The following SLC22A25 variants were observed in gnomAD, a reference collection of about 807,000 sequenced individuals.
The protein encoded by SLC22A25 is solute carrier family 22 member 25, also known as MGI:2442751, MGI:2385316, MGI:3042283, MGI:3645714, MGI:3605624, MGI:2442750.
A neutral mutation model predicts 45.9 loss-of-function variants in SLC22A25; 44 were observed. That is an observed-to-expected ratio of 0.96 (90% confidence interval 0.75 to 1.23). SLC22A25 has a LOEUF of 1.23. Ranked by LOEUF, SLC22A25 falls within the 50% of genes most tolerant of loss-of-function variation. SLC22A25 has a pLI of 0.00. For synonymous variants in SLC22A25, 283 were observed against 238.6 expected (o/e 1.19, Z -1.72); for missense variants, 800 against 666.4 (o/e 1.20, Z -2.21).
At chr11:63,217,817 C>T (rs972180088) in intron 5 of SLC22A25, 82 bp from the exon 6 acceptor site, 19 of 1,474,614 alleles carry the variant, frequency 1.3e-5, no homozygotes, top group African/African-American at 7.1e-5. Context: ...CACTTTGAAA[C>T]TTAAAGGATG....
Position 63,163,801 on chromosome 11 carries a change from G to A in SLC22A25, c.*23C>T, listed in dbSNP as rs1317198471. ...TTGGGGGATGGTAGCCCTAAATGGT[G>A]TTTTGCTTTCCTCAGCACAGACCTA... On this transcript the variant is annotated 3_prime_UTR_variant, in exon 12 of 12. Coordinates refer to ENST00000306494, the MANE Select transcript of SLC22A25 (RefSeq NM_199352.6). The A allele has an allele frequency of 6.3e-7, 1 of 1,588,282 alleles. No homozygotes were observed. Among genetic ancestry groups the A allele is most frequent in the Non-Finnish European group, 8.6e-7 (1 of 1,168,868 alleles).
At chr11:63,222,167 A>C (rs1219765007) in intron 5 of SLC22A25, among the ~76,000 whole-genome samples, 2 of 152,112 alleles carry the variant, frequency 1.3e-5, no homozygotes, top group Non-Finnish European at 2.9e-5. Context: ...TCTGAGAATA[A>C]TGTAATTGGT....
chr11:63,191,906 T>C (rs1280357928), intron 7 of SLC22A25, among the ~76,000 whole-genome samples: 1 of 152,214 alleles, frequency 6.6e-6, no homozygotes, highest in East Asian at 1.9e-4. Context: ...CATTTCAGGA[T>C]ATCTTCCATA....
intron 5 of SLC22A25, chr11:63,220,119 T>C: frequency 1.2e-6 from 1 of 840,898 alleles, no homozygotes; most frequent in South Asian, 1.4e-5. Flanking sequence ...TACCTTTTGT[T>C]GTAAGGTAGA....
rs151217756 is a variant in SLC22A25, at chr11:63,202,297, C to T, written c.830+15017G>A. Among the ~76,000 whole-genome samples, 1,227 of 151,650 alleles carry T rather than the reference C, an allele frequency of 8.1e-3. 13 individuals carry two copies. The highest frequency in any genetic ancestry group is 0.027 in the African/African-American group (1,115 of 41,314). ...AGTGGTGCCTGGAATGCCAGTGAGA[C>T]AGAACCATTCACTCCCCTGTAAAGG... On this transcript the variant is annotated intron_variant, in intron 7 of 11. Transcript: ENST00000306494.
chr11:63,173,903 T>TC (rs1348599084), intron 9 of SLC22A25, among the ~76,000 whole-genome samples: 9 of 151,550 alleles, frequency 5.9e-5, no homozygotes, highest in East Asian at 1.9e-4. Context: ...TCTTTTCTTT[T>TC]TTTTTTTTTT....
chr11:63,165,595 C>T (rs866671430), intron 10 of SLC22A25, among the ~76,000 whole-genome samples: 3 of 152,196 alleles, frequency 2.0e-5, no homozygotes, highest in African/African-American at 7.2e-5. Context: ...ATACAAGGCA[C>T]ACAGTGGATA....
chr11:63,180,543 G>A (rs1349394675), intron 9 of SLC22A25, 117 bp downstream of exon 9: 14 of 689,234 alleles, frequency 2.0e-5, no homozygotes, highest in Non-Finnish European at 3.3e-5. Context: ...TCTCTTTATG[G>A]ATTTATCATC....
chr11:63,242,403 C>T (rs923803137), intron 1 of SLC22A25, among the ~76,000 whole-genome samples: 1 of 152,218 alleles, frequency 6.6e-6, no homozygotes, highest in African/African-American at 2.4e-5. Flanking sequence ...GATTTCAGAA[C>T]TGCTATACAG....
intron 1 of SLC22A25, among the ~76,000 whole-genome samples, chr11:63,240,011 T>G (rs1008288248): frequency 3.3e-5 from 5 of 152,110 alleles, no homozygotes; most frequent in African/African-American, 1.2e-4. Context: ...CATCATGGAG[T>G]GTACTTACGC....
chr11:63,170,242 A>G (rs774933644), intron 9 of SLC22A25, among the ~76,000 whole-genome samples: 1 of 152,116 alleles, frequency 6.6e-6, no homozygotes. Flanking sequence ...CCCTAACATC[A>G]CAATTAAAAT....
chr11:63,221,604 C>CT, intron 5 of SLC22A25, among the ~76,000 whole-genome samples: 1 of 152,010 alleles, frequency 6.6e-6, no homozygotes, highest in South Asian at 2.1e-4. Flanking sequence ...TGATTGTTTC[C>CT]TTTGTTGTAC....
At chr11:63,200,023 A>G (rs1031723037) in intron 7 of SLC22A25, among the ~76,000 whole-genome samples, 30 of 151,766 alleles carry the variant, frequency 2.0e-4, no homozygotes, top group African/African-American at 7.3e-4. Context: ...CACACATAAC[A>G]ACCAAAAAAA....
intron 7 of SLC22A25, among the ~76,000 whole-genome samples, chr11:63,203,719 A>C (rs2089316109): frequency 6.6e-6 from 1 of 152,116 alleles, no homozygotes. Flanking sequence ...ATGAAACCAA[A>C]TTGGAAAATA....
At chr11:63,165,345 C>T (rs1224902093) in intron 10 of SLC22A25, among the ~76,000 whole-genome samples, 1 of 152,126 alleles carries the variant, frequency 6.6e-6, no homozygotes, top group African/African-American at 2.4e-5. Flanking sequence ...AGCACACCAA[C>T]CTGGTATTCT....
At chr11:63,232,571 A>G (rs572736589) in intron 3 of SLC22A25, among the ~76,000 whole-genome samples, 2 of 152,258 alleles carry the variant, frequency 1.3e-5, no homozygotes, top group South Asian at 2.1e-4. Flanking sequence ...CAATCATGTC[A>G]TCTGCAAAGA....
intron 9 of SLC22A25, among the ~76,000 whole-genome samples, chr11:63,176,913 T>A (rs1184514910): frequency 6.6e-6 from 1 of 152,088 alleles, no homozygotes; most frequent in African/African-American, 2.4e-5. Context: ...AAGGGTTCCC[T>A]TTAACATTTC....
chr11:63,181,394 C>G, intron 8 of SLC22A25, among the ~76,000 whole-genome samples: 1 of 118,246 alleles, frequency 8.5e-6, no homozygotes, highest in Non-Finnish European at 1.7e-5. Context: ...CTTCCCCCCT[C>G]CCCCCACCCC....
intron 7 of SLC22A25, among the ~76,000 whole-genome samples, chr11:63,210,732 G>A (rs2089535364): frequency 6.6e-6 from 1 of 152,100 alleles, no homozygotes; most frequent in Admixed American, 6.6e-5. Context: ...TTACTCTGTG[G>A]TAACTCACCC....
Sources: gnomAD v4.1 joint callset for allele counts (sites outside exome capture counted in the v4.1 genomes callset) on GRCh38, gnomAD v4.1.1 for gene constraint, MANE v1.5 for transcripts, NCBI Gene and HGNC (gene_info 2026-07-23, HGNC 2026-07-21) for gene names.